The following SNX25 variants were observed in gnomAD, a reference collection of about 807,000 sequenced individuals.
SNX25 encodes sorting nexin 25.
In SNX25, 62 loss-of-function variants were observed where a neutral mutation model predicts 113.7. The ratio of observed to expected loss-of-function variants is 0.55; its 90% CI spans 0.44 to 0.67. SNX25 has a LOEUF of 0.67. Ranked by LOEUF, SNX25 falls within the 30% of genes least tolerant of loss-of-function variation. SNX25 has a pLI of 0.00. For missense variants in SNX25, 1,014 were observed against 1,161.0 expected (o/e 0.87, Z 1.84); for synonymous variants, 421 against 436.2 (o/e 0.97, Z 0.43).
At position 185,306,185 on chromosome 4, in the gene SNX25, G is replaced by A. The variant is rs574578006; in HGVS notation, c.1163-4450G>A. Among the ~76,000 whole-genome samples the A allele has an allele frequency of 9.8e-5, 15 of 152,322 alleles. No homozygotes were observed. The East Asian group carries it at 2.7e-3, about 27-fold the overall frequency. ...AGGCCACAAAGAAATGTATTCATCT[G>A]CATCACTGGATTTACAAGGATTTTT... is the stretch of plus-strand genomic sequence containing the variant. On this transcript the variant is annotated intron_variant, in intron 6 of 18. Transcript: ENST00000652585.
rs182742276 is a variant in SNX25 at position 185,288,157 on chromosome 4, G to T, written c.1162+75G>T. The T allele has an allele frequency of 4.7e-4, 547 of 1,165,938 alleles. 4 individuals carry two copies. The African/African-American group carries it at 7.4e-3, about 16-fold the overall frequency. The allele number at this position is 1,165,938 out of a possible 1,614,324, so 72.2% of individuals were successfully genotyped here. ...ATCCCCGGCCTTCTCCCACCTGTCAGATCTTTGGCAAATAGGAGCTTTTCT... is the reference window on the plus strand; with the variant it reads ...ATCCCCGGCCTTCTCCCACCTGTCATATCTTTGGCAAATAGGAGCTTTTCT... On this transcript the variant is annotated intron_variant, in intron 6 of 18. Transcript: ENST00000652585.
rs558114629 is a variant in SNX25 at position 185,274,664 on chromosome 4, G to A, written c.1091+7509G>A. On this transcript the variant is annotated intron_variant, in intron 5 of 18. Transcript: ENST00000652585. Reference sequence around the variant, plus strand: ...AACTCTTTGCCAAAGTTAAAGAGATGCCAAGCAAATACTCAAGAGGAGAAA... The same window carrying A: ...AACTCTTTGCCAAAGTTAAAGAGATACCAAGCAAATACTCAAGAGGAGAAA... Among the ~76,000 whole-genome samples, 22 of 152,296 alleles carry A rather than the reference G, an allele frequency of 1.4e-4. No homozygotes were observed. In the South Asian group the frequency reaches 4.3e-3, roughly 30 times the overall value.
intron 6 of SNX25, among the ~76,000 whole-genome samples, chr4:185,290,594 C>A (rs919023368): frequency 6.6e-6 from 1 of 152,160 alleles, no homozygotes; most frequent in South Asian, 2.1e-4. Flanking sequence ...TAAACTCTTA[C>A]GTGCTTTGTG....
chr4:185,359,883 T>C lies in SNX25; in HGVS notation c.2652-2041T>C, dbSNP rs547589788. ...CACAGGGATGGAGAAGAGGCACATG[T>C]AGAGGATTTCCAGGCTGTCCATTTC... On this transcript the variant is annotated intron_variant, in intron 16 of 18. Coordinates refer to ENST00000652585, the MANE Select transcript of SNX25 (RefSeq NM_001378034.2). Among the ~76,000 whole-genome samples the C allele has an allele frequency of 2.1e-4, 32 of 152,336 alleles. No homozygotes were observed. The South Asian group carries it at 6.4e-3, about 31-fold the overall frequency.
the SNX25 span, among the ~76,000 whole-genome samples, chr4:185,376,495 T>C: frequency 2.9e-3 from 429 of 147,144 alleles, 2 homozygotes; most frequent in Middle Eastern, 0.015. Flanking sequence ...GGTGTAGCCA[T>C]GTTGGCCAGG....
intron 6 of SNX25, among the ~76,000 whole-genome samples, chr4:185,303,257 G>A (rs1460153162): frequency 6.6e-6 from 1 of 152,150 alleles, no homozygotes; most frequent in African/African-American, 2.4e-5. Context: ...GGTTCTGCTT[G>A]TAATTTTATA....
downstream of SNX25, among the ~76,000 whole-genome samples, chr4:185,371,431 A>G (rs947206954): frequency 2.0e-5 from 3 of 151,134 alleles, no homozygotes; most frequent in African/African-American, 7.3e-5. Context: ...AGTCCCAGCT[A>G]CTCGGGAGGC....
chr4:185,362,683 A>G lies in SNX25; in HGVS notation c.2906A>G (p.Glu969Gly). The G allele has an allele frequency of 6.2e-7, 1 of 1,614,144 alleles. No individual in the cohort carries two copies. Among genetic ancestry groups the G allele is most frequent in the Non-Finnish European group, 8.5e-7 (1 of 1,180,004 alleles). Residue 969 changes from glutamate to glycine, a missense_variant, in exon 18 of 19, where the codon GAA becomes GGA. Glu to Gly is a moderately conservative substitution (Grantham distance 98). Transcript: ENST00000652585. Reference sequence around the variant, plus strand: ...ATAAAAATATTCAATGCACTGCAAGAAACAAGAGCCAACAAGCATCTGTTA... The same window carrying G: ...ATAAAAATATTCAATGCACTGCAAGGAACAAGAGCCAACAAGCATCTGTTA... ...GIIKIFNALQ[E>G]TRANKHLLYA...
intron 6 of SNX25, among the ~76,000 whole-genome samples, chr4:185,299,666 G>C (rs760385510): frequency 5.9e-5 from 9 of 152,226 alleles, no homozygotes; most frequent in Non-Finnish European, 1.2e-4. Context: ...AACAGCTAGA[G>C]TAGTTGAGAA....
At chr4:185,260,157 G>A (rs978258555) in intron 3 of SNX25, among the ~76,000 whole-genome samples, 1 of 151,712 alleles carries the variant, frequency 6.6e-6, no homozygotes, top group Non-Finnish European at 1.5e-5. Flanking sequence ...TAAAAATAAT[G>A]TTTAAGACCA....
At chr4:185,362,175 T>G (rs2095367643) in intron 17 of SNX25, 70 bp downstream of exon 17, 1 of 1,464,456 alleles carries the variant, frequency 6.8e-7, no homozygotes, top group South Asian at 1.4e-5. Flanking sequence ...GAGGTGATTT[T>G]CATTTATGTC....
downstream of SNX25, among the ~76,000 whole-genome samples, chr4:185,371,396 G>C (rs1251625545): frequency 2.0e-5 from 3 of 152,032 alleles, no homozygotes; most frequent in Non-Finnish European, 4.4e-5. Flanking sequence ...CAAAAAATTA[G>C]CTGGGCATGG....
At chr4:185,351,693 C>T (rs969675699) in intron 14 of SNX25, 84 bp downstream of exon 14, 38 of 1,415,086 alleles carry the variant, frequency 2.7e-5, no homozygotes, top group Non-Finnish European at 3.5e-5. Context: ...GAAGCAAATC[C>T]CTCTATTTTC....
At chr4:185,275,775 CAG>C (rs1311722830) in intron 5 of SNX25, among the ~76,000 whole-genome samples, 1 of 152,138 alleles carries the variant, frequency 6.6e-6, no homozygotes, top group Admixed American at 6.5e-5. Flanking sequence ...TGTCAGCAAT[CAG>C]TGAGCACATA....
intron 6 of SNX25, among the ~76,000 whole-genome samples, chr4:185,298,663 T>A (rs1753199914): frequency 6.6e-6 from 1 of 152,158 alleles, no homozygotes; most frequent in Non-Finnish European, 1.5e-5. Flanking sequence ...CCACATTAAC[T>A]TTTCTATTTC....
Position 185,363,378 on chromosome 4 carries a change from G to C in SNX25, c.2935-7G>C. 1 of 1,613,568 alleles carries C rather than the reference G, an allele frequency of 6.2e-7. No homozygotes were observed. The highest frequency in any genetic ancestry group is 8.5e-7 in the Non-Finnish European group (1 of 1,179,720). ...TTTTCCACTTTTTTCCTTCTTTGTT[G>C]GTTCAGGCGCTGATGGAACTGCTGC... On this transcript the variant is annotated splice_polypyrimidine_tract_variant and splice_region_variant and intron_variant, in intron 18 of 18. Coordinates refer to ENST00000652585, the MANE Select transcript of SNX25 (RefSeq NM_001378034.2). This position sits in a 1 kb window ranked among gnomAD's most constrained non-coding sequence, Gnocchi z 4.2.
intron 14 of SNX25, 50 bp downstream of exon 14, chr4:185,351,659 C>A (rs375373734): frequency 3.3e-5 from 53 of 1,583,450 alleles, no homozygotes; most frequent in Non-Finnish European, 4.6e-5. Flanking sequence ...TCAGCAGATA[C>A]TAAGCTCATG....
chr4:185,364,306 A>G (rs962633674), downstream of SNX25: 4 of 152,142 alleles, frequency 2.6e-5, no homozygotes, highest in South Asian at 2.1e-4. Context: ...CGTTTAGACC[A>G]CAGGGACATT....
chr4:185,371,885 G>C (rs569409335), downstream of SNX25, among the ~76,000 whole-genome samples: 4 of 152,148 alleles, frequency 2.6e-5, no homozygotes, highest in East Asian at 1.9e-4. Flanking sequence ...GGCTCGGAGA[G>C]GGGGGAGACC....
Sources: gnomAD v4.1 joint callset for allele counts (sites outside exome capture counted in the v4.1 genomes callset) on GRCh38, gnomAD v4.1.1 for gene constraint, Gnocchi (gnomAD v3.1) non-coding constraint, MANE v1.5 for transcripts, NCBI Gene and HGNC (gene_info 2026-07-23, HGNC 2026-07-21) for gene names.